The following GFM2 variants were observed in gnomAD, a reference collection of about 807,000 sequenced individuals.
The protein encoded by GFM2 is ribosome-releasing factor 2, mitochondrial.
GFM2 carries 72 observed loss-of-function variants against 95.4 expected under a neutral mutation model. The ratio of observed to expected loss-of-function variants is 0.76; its 90% CI spans 0.62 to 0.92. The LOEUF is 0.92. GFM2 is among the 40% of genes least tolerant of loss of function. The probability of loss-of-function intolerance (pLI) is 0.00; values close to 1 mark genes in which losing one functional copy is unlikely to be tolerated. For synonymous variants in GFM2, 276 were observed against 317.5 expected, an observed-to-expected ratio of 0.87 and a Z score of 1.39; for missense variants, 825 against 924.1, an observed-to-expected ratio of 0.89 and a Z score of 1.39.
chr5:74,752,358 C>A (rs1318349320), intron 5 of GFM2, among the ~76,000 whole-genome samples: 1 of 152,142 alleles, frequency 6.6e-6, no homozygotes, highest in Non-Finnish European at 1.5e-5. Context: ...CATTAAACCC[C>A]TAAAATGGTA....
intron 17 of GFM2, among the ~76,000 whole-genome samples, chr5:74,728,598 T>A (rs545372401): frequency 4.7e-4 from 71 of 152,194 alleles, no homozygotes; most frequent in African/African-American, 1.6e-3. Flanking sequence ...GATAGTATTT[T>A]ATATTCTACA....
intron 16 of GFM2, among the ~76,000 whole-genome samples, chr5:74,732,152 T>TG (rs1742608448): frequency 7.2e-6 from 1 of 138,256 alleles, no homozygotes; most frequent in Non-Finnish European, 1.6e-5. Context: ...TTTTTTTTTT[T>TG]GTAGAGACAG....
intron 15 of GFM2, 142 bp from the exon 16 acceptor site, chr5:74,733,240 CAG>C (rs1315718561): frequency 5.1e-6 from 3 of 590,860 alleles, no homozygotes; most frequent in Non-Finnish European, 9.0e-6. Context: ...TCTGTAATCC[CAG>C]CACTTTGGGA....
intron 7 of GFM2, among the ~76,000 whole-genome samples, chr5:74,748,603 G>A (rs553873190): frequency 1.6e-4 from 25 of 152,222 alleles, no homozygotes; most frequent in African/African-American, 5.1e-4. Flanking sequence ...GGTGGCTCAC[G>A]CCTGTAATCC....
intron 8 of GFM2, 60 bp from the exon 9 acceptor site, chr5:74,746,225 T>A (rs1743379261): frequency 1.1e-6 from 1 of 928,016 alleles, no homozygotes. Context: ...ACCAAAGGTA[T>A]CAAGAGAGGA....
chr5:74,751,607 T>C, intron 5 of GFM2, 114 bp from the exon 6 acceptor site: 1 of 741,644 alleles, frequency 1.3e-6, no homozygotes, highest in Non-Finnish European at 2.2e-6. Flanking sequence ...TCCTAAAATA[T>C]TTGGTTTAAT....
chr5:74,729,567 T>C (rs1240294250), intron 17 of GFM2, among the ~76,000 whole-genome samples: 2 of 152,324 alleles, frequency 1.3e-5, no homozygotes, highest in Non-Finnish European at 2.9e-5. Context: ...GAACGCCTCA[T>C]GCTATTTGCT....
At chr5:74,759,287 G>T in intron 4 of GFM2, 82 bp downstream of exon 4, 2 of 783,874 alleles carry the variant, frequency 2.6e-6, no homozygotes, top group Non-Finnish European at 4.3e-6. Flanking sequence ...AGAAATTACA[G>T]CATTCACTCT....
At position 74,733,335 on chromosome 5, in the gene GFM2, GA is replaced by G. The variant is rs59571482; in HGVS notation, c.1511-238del. The G allele has an allele frequency of 0.064, 12,221 of 191,984 alleles. 144 individuals are homozygous for G. Among genetic ancestry groups the G allele is most frequent in the African/African-American group, 0.11 (3,721 of 35,424 alleles). The allele number at this position is 191,984 out of a possible 1,614,324, so 11.9% of individuals were successfully genotyped here. ...GCGAAACCCCGTCTTTACAAAAAAA[GA>G]AAAAAAAAAAAAGACAATTTCAAAC... On this transcript the variant is annotated intron_variant, in intron 15 of 20. Coordinates refer to ENST00000296805, the MANE Select transcript of GFM2 (RefSeq NM_032380.5).
At chr5:74,755,988 G>A (rs986736315) in intron 5 of GFM2, among the ~76,000 whole-genome samples, 2 of 152,064 alleles carry the variant, frequency 1.3e-5, no homozygotes, top group African/African-American at 4.8e-5. Flanking sequence ...GAATCCAACA[G>A]CATACCAAAA....
In GFM2 at chr5:74,721,730, T is replaced by A; in HGVS notation, c.2265A>T (p.Leu755Phe). Reference sequence around the variant, plus strand: ...TCATGGCTTGATAAGTAGATAGTTCTAAGGCAAAAGTAGCTGAGCCTGATG... The same window carrying A: ...TCATGGCTTGATAAGTAGATAGTTCAAAGGCAAAAGTAGCTGAGCCTGATG... Reference protein sequence around the residue: ...TLTSGSATFALELSTYQAMNP... With the variant: ...TLTSGSATFAFELSTYQAMNP... The change falls in exon 21 of 21, where the codon TTA (leucine) becomes TTT (phenylalanine). Residue 755 changes from leucine (L) to phenylalanine (F), a missense_variant. Leu to Phe is a conservative substitution (Grantham distance 22, BLOSUM62 0). Transcript: ENST00000296805. 1 of 1,613,794 alleles carries A rather than the reference T, an allele frequency of 6.2e-7. No individual in the cohort carries two copies. Among genetic ancestry groups the A allele is most frequent in the Non-Finnish European group, 8.5e-7 (1 of 1,179,806 alleles).
In GFM2 at chr5:74,750,537, T is replaced by A. The variant is rs552817369; in HGVS notation, c.519+42A>T. 4 of 1,399,360 alleles carry A rather than the reference T, an allele frequency of 2.9e-6. No homozygotes were observed. The South Asian group carries it at 4.9e-5, about 17-fold the overall frequency. 86.7% of individuals were successfully genotyped at this position (1,399,360 alleles called of 1,614,324 possible). Reference sequence around the variant, plus strand: ...TTGACATATTCTACTTTTTAAAAAATCATGCTGTTCTAATTCCCTTTACTT... The same window carrying A: ...TTGACATATTCTACTTTTTAAAAAAACATGCTGTTCTAATTCCCTTTACTT... On this transcript the variant is annotated intron_variant, in intron 7 of 20. Coordinates refer to ENST00000296805, the MANE Select transcript of GFM2 (RefSeq NM_032380.5).
intron 20 of GFM2, 74 bp downstream of exon 20, chr5:74,722,305 G>T: frequency 8.6e-7 from 1 of 1,159,568 alleles, no homozygotes; most frequent in South Asian, 1.4e-5. Context: ...TCAGGTTACT[G>T]ATTGTCTATT....
At chr5:74,729,321 T>G (rs954815243) in intron 17 of GFM2, among the ~76,000 whole-genome samples, 14 of 152,226 alleles carry the variant, frequency 9.2e-5, no homozygotes, top group Admixed American at 1.3e-4. Context: ...AAAGGACTTT[T>G]CCTAGTTAAT....
chr5:74,722,129 A>G (rs1258256805), intron 20 of GFM2, among the ~76,000 whole-genome samples: 1 of 152,196 alleles, frequency 6.6e-6, no homozygotes, highest in Non-Finnish European at 1.5e-5. Flanking sequence ...TGGCAGGGAA[A>G]AAATGGTCAT....
Position 74,726,041 on chromosome 5 carries a change from CA to C in GFM2, c.1811del (p.Met604SerfsTer3). ...EARPIETSSVMPVIEFEYAES... is the reference protein window; with the variant it reads ...EARPIETSSVXPVIEFEYAES... ...CAGCATACTCAAACTCAATCACAGGCATAACAGATGATGTTTCAATTGGCCT... is the reference window on the plus strand; with the variant it reads ...CAGCATACTCAAACTCAATCACAGGCTAACAGATGATGTTTCAATTGGCCT... On this transcript the variant is annotated frameshift_variant, in exon 18 of 21. Coordinates refer to ENST00000296805, the MANE Select transcript of GFM2 (RefSeq NM_032380.5). LOFTEE classifies it high-confidence loss of function. 1 of 1,613,360 alleles carries C rather than the reference CA, an allele frequency of 6.2e-7. No homozygotes were observed. The highest frequency in any genetic ancestry group is 8.5e-7 in the Non-Finnish European group (1 of 1,179,706).
At chr5:74,737,429 C>T (rs950804841) in intron 14 of GFM2, among the ~76,000 whole-genome samples, 6 of 152,132 alleles carry the variant, frequency 3.9e-5, no homozygotes, top group Non-Finnish European at 7.4e-5. Context: ...CCATGTAGAG[C>T]CCAATTATCT....
chr5:74,737,303 A>C (rs1373203886), intron 14 of GFM2, among the ~76,000 whole-genome samples: 1 of 152,224 alleles, frequency 6.6e-6, no homozygotes, highest in African/African-American at 2.4e-5. Context: ...GTTAGGGAGA[A>C]GTCCATTAGA....
rs1273943303 is a variant in GFM2, at chr5:74,759,374, T to C, written c.201A>G (p.Ile67Met). The change falls in exon 4 of 21, where the codon ATA becomes ATG. Residue 67 changes from isoleucine to methionine, a missense_variant. Transcript: ENST00000296805. ...GATATAATGATAGTACTTACTTAGC[T>C]ATGGGAGGATTGATGATGGAATGAA... ...KSLHSIINPP[I>M]AKIRNIGIMA... 1.3e-6 allele frequency: 2 copies of C among 1,521,342 alleles called. No individual in the cohort carries two copies. The allele number at this position is 1,521,342 out of a possible 1,614,324, so 94.2% of individuals were successfully genotyped here. A position where few individuals can be genotyped will look rare whatever the true frequency, so the allele number is the denominator to read the frequency against.
Sources: allele counts gnomAD v4.1 joint callset (sites outside exome capture counted in the v4.1 genomes callset), GRCh38; gene constraint gnomAD v4.1.1; transcripts MANE v1.5; gene names NCBI Gene and HGNC (gene_info 2026-07-23, HGNC 2026-07-21).